The following IMPG1 variants were observed in gnomAD, a reference collection of about 807,000 sequenced individuals.
The protein encoded by IMPG1 is interphotoreceptor matrix proteoglycan 1, also known as interphotoreceptor matrix proteoglycan of 150 kDa.
In IMPG1, 85 loss-of-function variants were observed where a neutral mutation model predicts 92.0. The ratio of observed to expected loss-of-function variants is 0.92; its 90% CI spans 0.78 to 1.11. IMPG1 has a LOEUF of 1.11. IMPG1 is among the 50% of genes least tolerant of loss of function. The probability of loss-of-function intolerance (pLI) is 0.00; values close to 1 mark genes in which losing one functional copy is unlikely to be tolerated. For synonymous variants in IMPG1, 367 were observed against 334.1 expected (o/e 1.10, Z -1.08); for missense variants, 1,022 against 956.0 (o/e 1.07, Z -0.91).
intron 14 of IMPG1, among the ~76,000 whole-genome samples, chr6:75,932,613 G>A (rs1474459289): frequency 2.8e-4 from 42 of 152,144 alleles, no homozygotes; most frequent in Non-Finnish European, 1.0e-4. Context: ...TCCCTATGTT[G>A]TTATCATTTT....
At chr6:75,996,902 G>A (rs1038957352) in intron 12 of IMPG1, among the ~76,000 whole-genome samples, 6 of 152,312 alleles carry the variant, frequency 3.9e-5, no homozygotes, top group African/African-American at 9.6e-5. Context: ...TGAAAGACGG[G>A]AACAGATTCA....
At chr6:75,959,886 C>G (rs1782188094) in intron 12 of IMPG1, among the ~76,000 whole-genome samples, 2 of 152,162 alleles carry the variant, frequency 1.3e-5, no homozygotes, top group Non-Finnish European at 2.9e-5. Context: ...TTCCCTCTCG[C>G]TGGCGTTCCA....
At chr6:76,018,572 C>T in intron 7 of IMPG1, 146 bp downstream of exon 7, 1 of 632,728 alleles carries the variant, frequency 1.6e-6, no homozygotes, top group Non-Finnish European at 2.6e-6. Flanking sequence ...CATGTTAGGG[C>T]CCATTGTAAT....
At position 76,005,419 on chromosome 6, in the gene IMPG1, C is replaced by T; in HGVS notation, c.1003G>A (p.Val335Ile). The T allele has an allele frequency of 6.2e-7, 1 of 1,614,086 alleles. No homozygotes were observed. Among genetic ancestry groups the T allele is most frequent in the Non-Finnish European group, 8.5e-7 (1 of 1,179,974 alleles). ...TCCTCCTCCATGGTTCCATGATAGA[C>T]TTCCTCACTTTCAATTTTGTTGGAA... is the stretch of plus-strand genomic sequence containing the variant. Reference protein sequence around the residue: ...FDSNKIESEEVYHGTMEEDKQ... With the variant: ...FDSNKIESEEIYHGTMEEDKQ... Residue 335 changes from valine to isoleucine, a missense_variant, in exon 10 of 17, where the codon GTC (valine) becomes ATC (isoleucine). Physicochemically the swap from Val to Ile is conservative, Grantham distance 29 (BLOSUM62 3). Around this residue, in one of 3 missense-constraint regions of IMPG1, gnomAD observed 681 missense variants for 583.6 expected, o/e 1.17. Coordinates refer to ENST00000369950, the MANE Select transcript of IMPG1 (RefSeq NM_001563.4).
At chr6:76,062,066 G>A (rs918312039) in intron 1 of IMPG1, among the ~76,000 whole-genome samples, 2 of 152,114 alleles carry the variant, frequency 1.3e-5, no homozygotes, top group Non-Finnish European at 2.9e-5. Flanking sequence ...ACAGTATTGG[G>A]TATATGGTAA....
chr6:76,044,739 AGGG>A (rs1783907453), intron 1 of IMPG1, among the ~76,000 whole-genome samples: 1 of 146,592 alleles, frequency 6.8e-6, no homozygotes, highest in African/African-American at 2.6e-5. Context: ...TCATCCTATC[AGGG>A]TAGGTAACTT....
intron 15 of IMPG1, among the ~76,000 whole-genome samples, chr6:75,930,335 A>G (rs1781641866): frequency 6.6e-6 from 1 of 152,208 alleles, no homozygotes; most frequent in African/African-American, 2.4e-5. Context: ...TAAAACGAGA[A>G]AGTCTGTTTC....
chr6:76,057,983 ATAAAAT>A (rs1223004692), intron 1 of IMPG1, among the ~76,000 whole-genome samples: 4 of 151,994 alleles, frequency 2.6e-5, no homozygotes, highest in African/African-American at 9.7e-5. Flanking sequence ...ATAAAATAAA[ATAAAAT>A]AAAATAATAA....
At chr6:75,952,360 T>C (rs987074804) in intron 12 of IMPG1, among the ~76,000 whole-genome samples, 1 of 152,210 alleles carries the variant, frequency 6.6e-6, no homozygotes, top group Non-Finnish European at 1.5e-5. Flanking sequence ...TCAGCTAATT[T>C]ACTACGGTGA....
intron 12 of IMPG1, among the ~76,000 whole-genome samples, chr6:75,958,975 C>T (rs765770961): frequency 3.9e-5 from 6 of 152,140 alleles, no homozygotes; most frequent in Non-Finnish European, 8.8e-5. Context: ...TTGGAATTTT[C>T]AGCCTTTTTT....
At chr6:76,034,281 G>GCACA (rs113927023) in intron 4 of IMPG1, 34 bp downstream of exon 4, 99 of 1,581,236 alleles carry the variant, frequency 6.3e-5, no homozygotes, top group African/African-American at 1.5e-4. Flanking sequence ...AAATTCAAAA[G>GCACA]CACACACACA....
intron 14 of IMPG1, among the ~76,000 whole-genome samples, chr6:75,939,881 C>T (rs538047472): frequency 7.9e-5 from 12 of 152,328 alleles, no homozygotes; most frequent in South Asian, 6.2e-4. Context: ...CCTGTGCTGA[C>T]GTTGTCCGTT....
In IMPG1 at chr6:76,034,301, T is replaced by G; in HGVS notation, c.497+14A>C. 6.2e-7 allele frequency: 1 copy of G among 1,610,926 alleles called. No individual in the cohort carries two copies. Among genetic ancestry groups the G allele is most frequent in the South Asian group, 1.1e-5 (1 of 91,006 alleles). ...CAAAAGCACACACACACACACTCTA[T>G]TTTGGGTACTTGCCTGTCAGGGAAA... On this transcript the variant is annotated intron_variant, in intron 4 of 16. Transcript: ENST00000369950.
chr6:76,032,394 G>A (rs1312547691), intron 4 of IMPG1, among the ~76,000 whole-genome samples: 1 of 152,242 alleles, frequency 6.6e-6, no homozygotes, highest in Admixed American at 6.5e-5. Context: ...GTGAGCAAAG[G>A]TAATACTCTA....
intron 14 of IMPG1, chr6:75,934,784 C>T: frequency 9.6e-6 from 3 of 313,358 alleles, no homozygotes; most frequent in Non-Finnish European, 2.0e-5. Flanking sequence ...TCGTGCCCTC[C>T]GCTACACCCC....
intron 12 of IMPG1, among the ~76,000 whole-genome samples, chr6:75,957,404 T>A (rs917109116): frequency 1.3e-5 from 2 of 152,064 alleles, no homozygotes; most frequent in Non-Finnish European, 2.9e-5. Context: ...GGGTGGAGAG[T>A]TCTGTAGATG....
intron 12 of IMPG1, among the ~76,000 whole-genome samples, chr6:75,991,577 A>G (rs1782813675): frequency 6.6e-6 from 1 of 152,176 alleles, no homozygotes; most frequent in African/African-American, 2.4e-5. Context: ...AACTGGTTAG[A>G]TGCCACTTTG....
chr6:76,065,916 C>G (rs1034046144), intron 1 of IMPG1, among the ~76,000 whole-genome samples: 2 of 152,044 alleles, frequency 1.3e-5, no homozygotes, highest in African/African-American at 4.8e-5. Flanking sequence ...AGACTGAGGT[C>G]CTATTTTCAG....
rs1404339505 is a variant in IMPG1, at chr6:75,923,471, ACT to A, written c.2316+161_2316+162del. Among the ~76,000 whole-genome samples the A allele has an allele frequency of 7.2e-5, 11 of 152,200 alleles. No individual in the cohort carries two copies. The South Asian group carries it at 1.5e-3, about 20-fold the overall frequency. Reference sequence around the variant, plus strand: ...CATTTTGGTTAATCCCAGCCTTCTGACTCTATCCTTGCACTAGAAAATGTCAC... The same window carrying A: ...CATTTTGGTTAATCCCAGCCTTCTGACTATCCTTGCACTAGAAAATGTCAC... On this transcript the variant is annotated intron_variant, in intron 16 of 16. Coordinates refer to ENST00000369950, the MANE Select transcript of IMPG1 (RefSeq NM_001563.4).
Sources: allele counts gnomAD v4.1 joint callset (sites outside exome capture counted in the v4.1 genomes callset), GRCh38; gene constraint gnomAD v4.1.1; regional missense constraint gnomAD v4.1.1; transcripts MANE v1.5; gene names NCBI Gene and HGNC (gene_info 2026-07-23, HGNC 2026-07-21).